The following ECT2L variants were observed in gnomAD, a reference collection of about 807,000 sequenced individuals.
The protein encoded by ECT2L is epithelial cell-transforming sequence 2 oncogene-like.
A neutral mutation model predicts 122.8 loss-of-function variants in ECT2L; 126 were observed. The observed-to-expected ratio is 1.03, with a 90% CI of 0.89 to 1.19. ECT2L has a LOEUF of 1.19. Ranked by LOEUF, ECT2L falls within the 50% of genes most tolerant of loss-of-function variation. The probability of loss-of-function intolerance (pLI) is 0.00; values close to 1 mark genes in which losing one functional copy is unlikely to be tolerated. For missense variants in ECT2L, 1,012 were observed against 1,064.1 expected (o/e 0.95, Z 0.68); for synonymous variants, 385 against 381.8 (o/e 1.01, Z -0.10).
intron 1 of ECT2L, among the ~76,000 whole-genome samples, chr6:138,799,408 C>T (rs931236930): frequency 1.3e-5 from 2 of 152,216 alleles, no homozygotes; most frequent in Non-Finnish European, 1.5e-5. Flanking sequence ...CACCCGCCAC[C>T]ACGCCCGGCT....
Position 138,880,966 on chromosome 6 carries a change from C to T in ECT2L, c.1675C>T (p.Leu559Phe), listed in dbSNP as rs1409929997. Residue 559 changes from leucine to phenylalanine, a missense_variant, in exon 15 of 22, where the codon CTC becomes TTC. Physicochemically the swap from Leu to Phe is conservative, Grantham distance 22 (BLOSUM62 0). Coordinates refer to ENST00000541398, the MANE Select transcript of ECT2L (RefSeq NM_001077706.3). The part of the protein sequence containing the change: ...FEALINLERI[L>F]QKDSAEKRAR... Reference sequence around the variant, plus strand: ...TAACACTTCTCTACAGGAGAGAATACTCCAGAAGGACTCAGCAGAAAAGCG... The same window carrying T: ...TAACACTTCTCTACAGGAGAGAATATTCCAGAAGGACTCAGCAGAAAAGCG... The T allele has an allele frequency of 1.2e-6, 2 of 1,613,752 alleles. No homozygotes were observed. The highest frequency in any genetic ancestry group is 1.7e-6 in the Non-Finnish European group (2 of 1,179,770).
chr6:138,869,265 TC>T (rs1447283229), intron 13 of ECT2L, among the ~76,000 whole-genome samples: 1 of 152,246 alleles, frequency 6.6e-6, no homozygotes, highest in Non-Finnish European at 1.5e-5. Context: ...TATTCAATAA[TC>T]TAAATTCTCT....
intron 1 of ECT2L, among the ~76,000 whole-genome samples, chr6:138,797,572 T>G (rs1414524819): frequency 2.0e-5 from 3 of 152,252 alleles, no homozygotes; most frequent in Admixed American, 1.3e-4. Flanking sequence ...CCAGTGAGGA[T>G]TTAGCTCTCT....
intron 8 of ECT2L, among the ~76,000 whole-genome samples, chr6:138,848,005 C>G (rs767216188): frequency 1.3e-5 from 2 of 152,150 alleles, no homozygotes; most frequent in Non-Finnish European, 2.9e-5. Context: ...CTTCACATGA[C>G]AGCAGGAGAG....
At chr6:138,829,990 C>T (rs967008836) in intron 4 of ECT2L, among the ~76,000 whole-genome samples, 4 of 152,196 alleles carry the variant, frequency 2.6e-5, no homozygotes, top group South Asian at 2.1e-4. Context: ...TCCCAAAGTG[C>T]TGGGATTACA....
At chr6:138,850,737 C>T (rs1777406958) in intron 9 of ECT2L, among the ~76,000 whole-genome samples, 1 of 152,070 alleles carries the variant, frequency 6.6e-6, no homozygotes, top group Non-Finnish European at 1.5e-5. Context: ...TGCAGTGGCT[C>T]ACGCCTATAA....
At chr6:138,815,982 G>A (rs1671826667) in intron 4 of ECT2L, among the ~76,000 whole-genome samples, 1 of 152,242 alleles carries the variant, frequency 6.6e-6, no homozygotes, top group Non-Finnish European at 1.5e-5. Flanking sequence ...GGAGTCACTG[G>A]AAGGAGACAG....
intron 13 of ECT2L, among the ~76,000 whole-genome samples, chr6:138,871,423 C>T (rs1451143649): frequency 6.6e-6 from 1 of 152,158 alleles, no homozygotes; most frequent in Non-Finnish European, 1.5e-5. Flanking sequence ...CAGGGCAGGG[C>T]AGGAGCAGAC....
At chr6:138,885,612 C>T (rs1235204547) in intron 17 of ECT2L, 33 bp downstream of exon 17, 2 of 1,613,928 alleles carry the variant, frequency 1.2e-6, no homozygotes, top group African/African-American at 2.7e-5. Flanking sequence ...GCAGGGGTCC[C>T]CCCAGAGAGG....
intron 8 of ECT2L, 78 bp from the exon 9 acceptor site, chr6:138,849,191 A>G: frequency 7.6e-7 from 1 of 1,320,640 alleles, no homozygotes; most frequent in Non-Finnish European, 9.9e-7. Context: ...CGTATTTTGT[A>G]TCCGTTCTAT....
At chr6:138,872,798 T>G (rs752178021) in intron 13 of ECT2L, among the ~76,000 whole-genome samples, 10 of 152,208 alleles carry the variant, frequency 6.6e-5, no homozygotes, top group Non-Finnish European at 1.5e-4. Flanking sequence ...TTCACCCACC[T>G]TTATTCCTAA....
chr6:138,812,316 C>T (rs1010144405), intron 1 of ECT2L, among the ~76,000 whole-genome samples: 1 of 152,216 alleles, frequency 6.6e-6, no homozygotes, highest in Non-Finnish European at 1.5e-5. Context: ...GACAGTACCC[C>T]CCTAAACTCT....
rs1779491456 is a variant in ECT2L at position 138,903,891 on chromosome 6, A to C, written c.*1264A>C. The C allele has an allele frequency of 6.6e-6, 1 of 152,204 alleles. No homozygotes were observed. The highest frequency in any genetic ancestry group is 2.4e-5 in the African/African-American group (1 of 41,458). 9.4% of individuals were successfully genotyped at this position (152,204 alleles called of 1,614,324 possible). A position where few individuals can be genotyped will look rare whatever the true frequency, so the allele number is the denominator to read the frequency against. On this transcript the variant is annotated 3_prime_UTR_variant, in exon 22 of 22. Transcript: ENST00000541398. ...CTTCAAATTCTTGTTTACAGTAACA[A>C]AGTCTATCGGTGCAGTTTAGGACTG...
Position 138,814,545 on chromosome 6 carries a change from A to G in ECT2L, c.121A>G (p.Lys41Glu), listed in dbSNP as rs1460844177. 1.2e-6 allele frequency: 2 copies of G among 1,612,964 alleles called. No individual in the cohort carries two copies. The highest frequency in any genetic ancestry group is 1.7e-6 in the Non-Finnish European group (2 of 1,179,200). ...ISHWFDLWTN[K>E]QRQEFLFAIF... ...TCATTGGTTTGACCTCTGGACTAAC[A>G]AGCAACGTCAAGAATTCTTATTCGC... is the stretch of plus-strand genomic sequence containing the variant. Residue 41 changes from lysine to glutamate, a missense_variant, in exon 4 of 22, where the codon AAG becomes GAG. By Grantham distance (56) the Lys-to-Glu change is moderately conservative. Coordinates refer to ENST00000541398, the MANE Select transcript of ECT2L (RefSeq NM_001077706.3).
rs78061251 is a variant in ECT2L at position 138,881,228 on chromosome 6, G to A, written c.1880+57G>A. On this transcript the variant is annotated intron_variant, in intron 15 of 21. Transcript: ENST00000541398. Reference sequence around the variant, plus strand: ...TCATTGTGCACTGAGAAGAGCCCATGCTTTATTGTTTCAAAAGCAGTATGG... The same window carrying A: ...TCATTGTGCACTGAGAAGAGCCCATACTTTATTGTTTCAAAAGCAGTATGG... The A allele has an allele frequency of 2.6e-3, 3,899 of 1,520,972 alleles. 13 individuals carry two copies. Among genetic ancestry groups the A allele is most frequent in the Non-Finnish European group, 2.9e-3 (3,294 of 1,119,044 alleles). The allele number at this position is 1,520,972 out of a possible 1,614,324, so 94.2% of individuals were successfully genotyped here.
intron 20 of ECT2L, 152 bp downstream of exon 20, chr6:138,889,183 C>T (rs1372460311): frequency 2.7e-6 from 1 of 364,072 alleles, no homozygotes; most frequent in Non-Finnish European, 5.0e-6. Flanking sequence ...AGAGGACTCC[C>T]TCTGAGATAG....
intron 10 of ECT2L, among the ~76,000 whole-genome samples, chr6:138,861,023 C>T (rs562258021): frequency 6.6e-6 from 1 of 152,198 alleles, no homozygotes; most frequent in Non-Finnish European, 1.5e-5. Flanking sequence ...ATGATGGCTT[C>T]CAGTTTCATC....
chr6:138,818,074 A>G (rs1439217529), intron 4 of ECT2L, among the ~76,000 whole-genome samples: 1 of 152,114 alleles, frequency 6.6e-6, no homozygotes, highest in African/African-American at 2.4e-5. Flanking sequence ...AGTGCCTGGT[A>G]ATTCCTCAAA....
chr6:138,836,306 T>C (rs545690470), intron 4 of ECT2L, among the ~76,000 whole-genome samples: 3 of 149,050 alleles, frequency 2.0e-5, no homozygotes, highest in Admixed American at 2.0e-4. Context: ...TTTTTTTTTT[T>C]TGAGATGGAG....
Sources: allele counts gnomAD v4.1 joint callset (sites outside exome capture counted in the v4.1 genomes callset), GRCh38; gene constraint gnomAD v4.1.1; transcripts MANE v1.5; gene names NCBI Gene and HGNC (gene_info 2026-07-23, HGNC 2026-07-21).